The following DRC2 variants were observed in gnomAD, a reference collection of about 807,000 sequenced individuals.
The protein encoded by DRC2 is dynein regulatory complex subunit 2.
chr12:48,921,465 A>ATG, the DRC2 span: 2 of 1,592,866 alleles, frequency 1.3e-6, no homozygotes, highest in Non-Finnish European at 1.7e-6. Flanking sequence ...AGCAGCCCAG[A>ATG]TGATCTTCCA....
At chr12:48,905,592 G>A in the DRC2 span, among the ~76,000 whole-genome samples, 3 of 152,146 alleles carry the variant, frequency 2.0e-5, no homozygotes, top group Non-Finnish European at 2.9e-5. Flanking sequence ...AGATCTCCAT[G>A]GGTAAGAGCA....
chr12:48,913,040 G>A, the DRC2 span, among the ~76,000 whole-genome samples: 1 of 149,690 alleles, frequency 6.7e-6, no homozygotes, highest in South Asian at 2.1e-4. Flanking sequence ...GGGAAGCTGA[G>A]GCAGGAATCG....
At chr12:48,915,956 C>G in the DRC2 span, among the ~76,000 whole-genome samples, 377 of 150,814 alleles carry the variant, frequency 2.5e-3, 1 homozygote, top group Non-Finnish European at 3.8e-3. Context: ...CCTCACATCC[C>G]AGACAGGGCG....
At chr12:48,913,407 G>A in the DRC2 span, among the ~76,000 whole-genome samples, 1 of 151,342 alleles carries the variant, frequency 6.6e-6, no homozygotes, top group Non-Finnish European at 1.5e-5. Flanking sequence ...GGGTTCAAGC[G>A]ATTTTCCCGC....
the DRC2 span, chr12:48,914,263 A>G: frequency 1.2e-6 from 1 of 823,680 alleles, no homozygotes; most frequent in Non-Finnish European, 1.8e-6. Context: ...TGCTTTACAC[A>G]AGAGTGAGGG....
the DRC2 span, chr12:48,904,308 T>C: frequency 6.2e-7 from 1 of 1,600,790 alleles, no homozygotes; most frequent in Non-Finnish European, 8.5e-7. Context: ...AGACCGAGGC[T>C]TCTTTCCCGG....
At chr12:48,920,875 T>C in the DRC2 span, 3 of 1,540,078 alleles carry the variant, frequency 1.9e-6, no homozygotes, top group Non-Finnish European at 2.6e-6. Context: ...CCAACTCCAC[T>C]AGCTTCCCTC....
At chr12:48,920,441 T>TTAAA in the DRC2 span, among the ~76,000 whole-genome samples, 72 of 67,808 alleles carry the variant, frequency 1.1e-3, 6 homozygotes, top group African/African-American at 3.4e-3. Flanking sequence ...AACTCCATCT[T>TTAAA]AAAAAAAAAA....
the DRC2 span, chr12:48,914,596 G>A: frequency 6.2e-7 from 1 of 1,610,472 alleles, no homozygotes; most frequent in Non-Finnish European, 8.5e-7. Flanking sequence ...AAGAGAAGAT[G>A]GGGAATTGAA....
the DRC2 span, chr12:48,904,217 A>T: frequency 7.2e-7 from 1 of 1,393,054 alleles, no homozygotes; most frequent in Non-Finnish European, 9.7e-7. Flanking sequence ...CGGTCCCACA[A>T]CCGCCCACAA....
At chr12:48,921,040 T>TA in the DRC2 span, 1 of 1,613,092 alleles carries the variant, frequency 6.2e-7, no homozygotes, top group Non-Finnish European at 8.5e-7. Context: ...AGGAGGGGAT[T>TA]CAGAAGAATA....
chr12:48,920,441 T>TTTTAAAAAAA, the DRC2 span, among the ~76,000 whole-genome samples: 30 of 67,814 alleles, frequency 4.4e-4, 3 homozygotes, highest in Non-Finnish European at 6.7e-4. Flanking sequence ...AACTCCATCT[T>TTTTAAAAAAA]AAAAAAAAAA....
the DRC2 span, among the ~76,000 whole-genome samples, chr12:48,916,248 C>T: frequency 1.3e-5 from 2 of 151,986 alleles, no homozygotes; most frequent in Non-Finnish European, 2.9e-5. Flanking sequence ...CCAAGGCAGG[C>T]GGCTGGGAGG....
the DRC2 span, chr12:48,921,280 A>G: frequency 6.2e-7 from 1 of 1,614,222 alleles, no homozygotes; most frequent in Non-Finnish European, 8.5e-7. Flanking sequence ...ATCAATGGGA[A>G]GCTGCGGGAG....
At chr12:48,912,825 G>T in the DRC2 span, among the ~76,000 whole-genome samples, 3 of 152,128 alleles carry the variant, frequency 2.0e-5, no homozygotes, top group African/African-American at 7.2e-5. Context: ...TAGTTTCTTT[G>T]CTATTTTTTA....
the DRC2 span, chr12:48,914,660 A>G: frequency 1.0e-4 from 120 of 1,202,032 alleles, no homozygotes; most frequent in Non-Finnish European, 1.3e-4. Context: ...GCAAGTGGCT[A>G]GTATCTTGGA....
At chr12:48,921,453 G>A in the DRC2 span, 1 of 1,598,708 alleles carries the variant, frequency 6.3e-7, no homozygotes, top group East Asian at 2.2e-5. Flanking sequence ...AAATATAATT[G>A]AAGCAGCCCA....
At chr12:48,918,790 C>G in the DRC2 span, 2 of 1,614,074 alleles carry the variant, frequency 1.2e-6, no homozygotes, top group African/African-American at 2.7e-5. Context: ...TGTACAACTG[C>G]GAAAACTTAA....
chr12:48,906,711 G>A, the DRC2 span, among the ~76,000 whole-genome samples: 1 of 151,760 alleles, frequency 6.6e-6, no homozygotes, highest in African/African-American at 2.4e-5. Context: ...GATTACAGGC[G>A]CCCACCACCA....
Sources: gnomAD v4.1 joint callset for allele counts (sites outside exome capture counted in the v4.1 genomes callset) on GRCh38, gnomAD v4.1.1 for gene constraint, MANE v1.5 for transcripts, NCBI Gene and HGNC (gene_info 2026-07-23, HGNC 2026-07-21) for gene names.